ULBP3: variants seen among roughly 807,000 people sequenced by gnomAD.
ULBP3 encodes the protein UL16 binding protein 3, also known as UL16-binding protein 3.
Under a neutral mutation model 24.9 loss-of-function variants are expected in ULBP3, and 25 were observed. The observed-to-expected ratio is 1.00, with a 90% CI of 0.73 to 1.40. ULBP3 has a LOEUF of 1.40. Ranked by LOEUF, ULBP3 falls within the 40% of genes most tolerant of loss-of-function variation. The probability of loss-of-function intolerance (pLI) is 0.00; values close to 1 mark genes in which losing one functional copy is unlikely to be tolerated. For synonymous variants in ULBP3, 114 were observed against 114.7 expected (o/e 0.99, Z 0.04); for missense variants, 306 against 307.5 (o/e 1.00, Z 0.04).
chr6:150,069,086 G>A lies in ULBP3; in HGVS notation c.-20C>T, dbSNP rs376130718. ...TGCCATTGTAGACCAGGAGCGCCCG[G>A]GACACAAGGCGCAGTCGATGTGGAG... On this transcript the variant is annotated 5_prime_UTR_variant, in exon 1 of 5. Transcript: ENST00000367339. 2 of 1,606,574 alleles carry A rather than the reference G, an allele frequency of 1.2e-6. No individual in the cohort carries two copies. The highest frequency in any genetic ancestry group is 1.7e-6 in the Non-Finnish European group (2 of 1,176,724).
chr6:150,068,260 T>G (rs564362996), intron 1 of ULBP3, among the ~76,000 whole-genome samples: 13 of 152,032 alleles, frequency 8.6e-5, no homozygotes, highest in African/African-American at 2.2e-4. Flanking sequence ...ACCATGGGAC[T>G]CCCCCTCACA....
Position 150,069,034 on chromosome 6 carries a change from C to A in ULBP3, c.33G>T (p.Pro11=). The A allele has an allele frequency of 1.2e-6, 2 of 1,612,546 alleles. No homozygotes were observed. The highest frequency in any genetic ancestry group is 2.2e-5 in the South Asian group (2 of 90,906). The change falls in exon 1 of 5, where the codon CCG becomes CCT. Residue 11 remains proline, a synonymous_variant. Coordinates refer to ENST00000367339, the MANE Select transcript of ULBP3 (RefSeq NM_024518.3). The stretch of plus-strand genomic sequence containing the variant: ...GCAGGTACGGAAGAATCGCGAGGCG[C>A]GGAAGGATCGCGGGGCTGGCGGCCG... The part of the protein sequence containing the change: MAAAASPAIL[P]RLAILPYLLF...
chr6:150,064,585 C>T lies in ULBP3; in HGVS notation c.*22G>A, dbSNP rs1223616544. 6 of 1,613,076 alleles carry T rather than the reference C, an allele frequency of 3.7e-6. No homozygotes were observed. In the Admixed American group the frequency reaches 5.0e-5, roughly 13 times the overall value. ...CCCCTCACAGTTTTGCCCACAGTACCTGTCACTCTAAATGACTCTTCTCAG... is the reference window on the plus strand; with the variant it reads ...CCCCTCACAGTTTTGCCCACAGTACTTGTCACTCTAAATGACTCTTCTCAG... On this transcript the variant is annotated splice_region_variant and 3_prime_UTR_variant, in exon 4 of 5. Coordinates refer to ENST00000367339, the MANE Select transcript of ULBP3 (RefSeq NM_024518.3).
rs144732590 is a variant in ULBP3, at chr6:150,065,075, G to A, written c.628+323C>T. Among the ~76,000 whole-genome samples, 185 of 152,270 alleles carry A rather than the reference G, an allele frequency of 1.2e-3. 1 individual carries two copies. The highest frequency in any genetic ancestry group is 4.2e-3 in the African/African-American group (173 of 41,542). ...GAGGAAAGGAAAAGTGATCCTAGGA[G>A]GAGGGAAATCTAAGGAGAAAGGTCT... On this transcript the variant is annotated intron_variant, in intron 3 of 4. Transcript: ENST00000367339.
At chr6:150,066,310 A>G (rs1021133078) in intron 1 of ULBP3, 148 bp from the exon 2 acceptor site, 5 of 902,940 alleles carry the variant, frequency 5.5e-6, no homozygotes. Context: ...TGGAGGAACC[A>G]TGGGTCGCTA....
rs1289365275 is a variant in ULBP3, at chr6:150,062,070, G to T, written c.*1304C>A. 6.6e-6 allele frequency among the ~76,000 whole-genome samples: 1 copy of T among 152,016 alleles called. No homozygotes were observed. The highest frequency in any genetic ancestry group is 2.4e-5 in the African/African-American group (1 of 41,374). ...ATGTCTTTGCACATTTTTTAATTGG[G>T]TTTTTTTTTCTTGCTTGTCTAATTG... On this transcript the variant is annotated 3_prime_UTR_variant, in exon 5 of 5. Coordinates refer to ENST00000367339, the MANE Select transcript of ULBP3 (RefSeq NM_024518.3).
intron 4 of ULBP3, among the ~76,000 whole-genome samples, chr6:150,063,993 G>A (rs1332165543): frequency 2.6e-5 from 4 of 152,142 alleles, no homozygotes; most frequent in African/African-American, 9.7e-5. Context: ...AAGGGGCTCG[G>A]CCATTTCCTA....
chr6:150,065,852 C>T (rs1776338286), intron 2 of ULBP3, 47 bp downstream of exon 2: 1 of 1,608,812 alleles, frequency 6.2e-7, no homozygotes, highest in Admixed American at 1.7e-5. Context: ...AGAACAGCCC[C>T]TGAGCCCACA....
intron 1 of ULBP3, 38 bp downstream of exon 1, chr6:150,068,941 T>C (rs1230492178): frequency 6.4e-7 from 1 of 1,558,862 alleles, no homozygotes; most frequent in African/African-American, 1.3e-5. Flanking sequence ...CCCCCAGGTT[T>C]GGCCCCCGCC....
intron 1 of ULBP3, among the ~76,000 whole-genome samples, chr6:150,066,500 C>T (rs1279237262): frequency 2.0e-5 from 3 of 152,086 alleles, no homozygotes; most frequent in African/African-American, 4.8e-5. Context: ...GATGTTGGAG[C>T]GTGGTGCAGT....
chr6:150,061,508 T>C lies in ULBP3; in HGVS notation c.*1866A>G, dbSNP rs1776273617. Among the ~76,000 whole-genome samples, 2 of 152,228 alleles carry C rather than the reference T, an allele frequency of 1.3e-5. No homozygotes were observed. The highest frequency in any genetic ancestry group is 2.4e-5 in the African/African-American group (1 of 41,456). On this transcript the variant is annotated 3_prime_UTR_variant, in exon 5 of 5. Coordinates refer to ENST00000367339, the MANE Select transcript of ULBP3 (RefSeq NM_024518.3). ...CTTTCCAATGGGAACATGCAGTATG[T>C]AGTTTTCTGTTCTTGCATTAGGTTG... is the stretch of plus-strand genomic sequence containing the variant.
chr6:150,065,293 C>A, intron 3 of ULBP3, 105 bp downstream of exon 3: 1 of 1,471,112 alleles, frequency 6.8e-7, no homozygotes, highest in South Asian at 1.3e-5. Context: ...AGACTCACAC[C>A]CACTCACACC....
At position 150,062,186 on chromosome 6, in the gene ULBP3, G is replaced by A. The variant is rs183647521; in HGVS notation, c.*1188C>T. Reference sequence around the variant, plus strand: ...CCATTCTACACGCTGTCTGTTTACCGTGTTGCTAGTTTCTTTTTCTGTGCA... The same window carrying A: ...CCATTCTACACGCTGTCTGTTTACCATGTTGCTAGTTTCTTTTTCTGTGCA... On this transcript the variant is annotated 3_prime_UTR_variant, in exon 5 of 5. Coordinates refer to ENST00000367339, the MANE Select transcript of ULBP3 (RefSeq NM_024518.3). Among the ~76,000 whole-genome samples, 2 of 152,264 alleles carry A rather than the reference G, an allele frequency of 1.3e-5. No individual in the cohort carries two copies. Among genetic ancestry groups the A allele is most frequent in the Admixed American group, 1.3e-4 (2 of 15,298 alleles).
chr6:150,067,328 C>T (rs1426805596), intron 1 of ULBP3, among the ~76,000 whole-genome samples: 2 of 152,194 alleles, frequency 1.3e-5, no homozygotes. Context: ...CCTTCAGCCT[C>T]CCCCACAGAG....
At chr6:150,068,735 G>C (rs1397588630) in intron 1 of ULBP3, among the ~76,000 whole-genome samples, 2 of 152,132 alleles carry the variant, frequency 1.3e-5, no homozygotes, top group African/African-American at 4.8e-5. Flanking sequence ...CAGCTTTTTG[G>C]CCCCTCCACC....
At position 150,065,997 on chromosome 6, in the gene ULBP3, G is replaced by A; in HGVS notation, c.254C>T (p.Thr85Ile). 1.2e-6 allele frequency: 2 copies of A among 1,614,206 alleles called. No homozygotes were observed. Among genetic ancestry groups the A allele is most frequent in the Non-Finnish European group, 1.7e-6 (2 of 1,180,050 alleles). The change falls in exon 2 of 5, where the codon ACA becomes ATA. Residue 85 changes from threonine (T) to isoleucine (I), a missense_variant. By Grantham distance (89) the Thr-to-Ile change is moderately conservative. Coordinates refer to ENST00000367339, the MANE Select transcript of ULBP3 (RefSeq NM_024518.3). ...MGHLEEQLYA[T>I]DAWGKQLEML... ...TTCCAGTTGTTTTCCCCAGGCATCT[G>A]TGGCATACAGCTGCTCTTCTAGGTG...
At chr6:150,068,093 G>C (rs923052709) in intron 1 of ULBP3, among the ~76,000 whole-genome samples, 1 of 152,106 alleles carries the variant, frequency 6.6e-6, no homozygotes, top group Non-Finnish European at 1.5e-5. Context: ...AGGGAACCAA[G>C]AAGCTGCACA....
chr6:150,065,800 G>A, intron 2 of ULBP3, 99 bp downstream of exon 2: 1 of 1,578,438 alleles, frequency 6.3e-7, no homozygotes, highest in Non-Finnish European at 8.6e-7. Context: ...TTGCTGCTGG[G>A]CTTCATGGAG....
At chr6:150,066,519 T>C (rs746483781) in intron 1 of ULBP3, among the ~76,000 whole-genome samples, 3 of 152,124 alleles carry the variant, frequency 2.0e-5, no homozygotes, top group African/African-American at 4.8e-5. Flanking sequence ...GTGGGTACGA[T>C]GTAGTTAACA....
Sources: allele counts gnomAD v4.1 joint callset (sites outside exome capture counted in the v4.1 genomes callset), GRCh38; gene constraint gnomAD v4.1.1; transcripts MANE v1.5; gene names NCBI Gene and HGNC (gene_info 2026-07-23, HGNC 2026-07-21).